The following MIA2 variants were observed in gnomAD, a reference collection of about 807,000 sequenced individuals.
MIA2 encodes MIA SH3 domain ER export factor 2.
MIA2 carries 127 observed loss-of-function variants against 167.8 expected under a neutral mutation model. The ratio of observed to expected loss-of-function variants is 0.76; its 90% CI spans 0.66 to 0.88. The LOEUF is 0.88. MIA2 is among the 40% of genes least tolerant of loss of function. The pLI is 0.00. For synonymous variants in MIA2, 552 were observed against 541.9 expected, an observed-to-expected ratio of 1.02 and a Z score of -0.26; for missense variants, 1,690 against 1,624.7, an observed-to-expected ratio of 1.04 and a Z score of -0.69.
At chr14:39,236,744 A>G (rs2053764324) in intron 1 of MIA2, among the ~76,000 whole-genome samples, 178 bp from the exon 2 acceptor site, 1 of 152,220 alleles carries the variant, frequency 6.6e-6, no homozygotes, top group Non-Finnish European at 1.5e-5. Flanking sequence ...CCAGGCCCAG[A>G]GGCTTAGACT....
chr14:39,319,321 A>G (rs1440649042), intron 23 of MIA2, 30 bp downstream of exon 23: 3 of 1,235,790 alleles, frequency 2.4e-6, no homozygotes, highest in Non-Finnish European at 2.2e-6. Context: ...CCCTCATTTA[A>G]AATACATATT....
At chr14:39,368,684 T>G (rs2074873569) in intron 23 of MIA2, among the ~76,000 whole-genome samples, 1 of 150,876 alleles carries the variant, frequency 6.6e-6, no homozygotes, top group South Asian at 2.1e-4. Context: ...TCTTTTCTTT[T>G]TTTTGTTTTT....
chr14:39,312,319 C>T (rs554695881), intron 18 of MIA2, among the ~76,000 whole-genome samples: 6 of 152,234 alleles, frequency 3.9e-5, no homozygotes, highest in Admixed American at 6.5e-5. Context: ...TATCCATGCC[C>T]GTCGCACTTT....
intron 2 of MIA2, 171 bp downstream of exon 2, chr14:39,237,226 C>G (rs779052366): frequency 9.5e-6 from 7 of 733,704 alleles, no homozygotes; most frequent in Non-Finnish European, 1.4e-5. Context: ...CTCCTGAGCT[C>G]AAGCCATCCT....
chr14:39,303,563 G>GA, intron 16 of MIA2, 39 bp downstream of exon 16: 1 of 1,465,002 alleles, frequency 6.8e-7, no homozygotes, highest in East Asian at 2.3e-5. Flanking sequence ...TAAGGAGGAA[G>GA]AAAGAGAACG....
intron 7 of MIA2, 110 bp from the exon 8 acceptor site, chr14:39,279,227 C>T (rs2152750674): frequency 1.4e-6 from 1 of 718,312 alleles, no homozygotes; most frequent in South Asian, 1.9e-5. Flanking sequence ...TGTATTTATA[C>T]AAAGGCAATA....
At chr14:39,278,555 C>A (rs116214905) in intron 7 of MIA2, among the ~76,000 whole-genome samples, 4,780 of 152,196 alleles carry the variant, frequency 0.031, 269 homozygotes, top group African/African-American at 0.11. Flanking sequence ...TAAGGCTGAT[C>A]CTTTTACAAA....
At chr14:39,298,623 A>G (rs1386025129) in intron 13 of MIA2, among the ~76,000 whole-genome samples, 1 of 145,534 alleles carries the variant, frequency 6.9e-6, no homozygotes. Context: ...GTCAGCCAGA[A>G]CAGAGTTTTA....
intron 24 of MIA2, among the ~76,000 whole-genome samples, chr14:39,324,940 T>C (rs956938256): frequency 6.6e-6 from 1 of 152,136 alleles, no homozygotes; most frequent in African/African-American, 2.4e-5. Context: ...AAAAAATTGT[T>C]CACTGGGTGC....
At chr14:39,312,227 C>A (rs577999427) in intron 18 of MIA2, among the ~76,000 whole-genome samples, 3 of 152,178 alleles carry the variant, frequency 2.0e-5, no homozygotes, top group Admixed American at 1.3e-4. Context: ...GTACATAAAC[C>A]TCACCTTTTA....
Position 39,291,055 on chromosome 14 carries a change from G to T in MIA2, c.2167G>T (p.Ala723Ser). The part of the protein sequence containing the change: ...GYEVESSLKD[A>S]SFEKEATEAQ... ...TGAAGTAGAGTCATCTTTAAAGGAT[G>T]CCAGCTTTGAGAAGGAGGCAACAGA... The change falls in exon 10 of 29, where the codon GCC becomes TCC. Residue 723 changes from alanine (A) to serine (S), a missense_variant. Physicochemically the swap from Ala to Ser is moderately conservative, Grantham distance 99. Transcript: ENST00000640607. The T allele has an allele frequency of 6.2e-7, 1 of 1,607,612 alleles. No individual in the cohort carries two copies. The highest frequency in any genetic ancestry group is 1.3e-5 in the African/African-American group (1 of 74,716).
chr14:39,266,141 T>G (rs2055590577), intron 6 of MIA2: 1 of 985,450 alleles, frequency 1.0e-6, no homozygotes, highest in Admixed American at 6.1e-5. Context: ...GTTCATCTAT[T>G]GAGTTCTTTT....
chr14:39,312,904 TGTGC>T (rs1427782862), intron 18 of MIA2, among the ~76,000 whole-genome samples: 5 of 152,032 alleles, frequency 3.3e-5, no homozygotes, highest in African/African-American at 9.7e-5. Flanking sequence ...TGTGTGTGTG[TGTGC>T]GTGTGTGTTT....
chr14:39,295,887 A>T (rs2152843052), intron 13 of MIA2, among the ~76,000 whole-genome samples: 1 of 152,268 alleles, frequency 6.6e-6, no homozygotes, highest in Non-Finnish European at 1.5e-5. Context: ...ATTCTGTCTT[A>T]TTCAATATTT....
chr14:39,261,285 C>G (rs2055096061), intron 6 of MIA2, among the ~76,000 whole-genome samples: 1 of 152,048 alleles, frequency 6.6e-6, no homozygotes, highest in Middle Eastern at 3.2e-3. Context: ...TGATGGTTTC[C>G]AGCTTCATCC....
At chr14:39,237,295 T>G (rs1167366497) in intron 2 of MIA2, 1 of 481,292 alleles carries the variant, frequency 2.1e-6, no homozygotes, top group East Asian at 4.2e-5. Flanking sequence ...GCCCGGCTAA[T>G]TTTTGTATTC....
chr14:39,343,619 A>G (rs1259988517), intron 25 of MIA2, among the ~76,000 whole-genome samples: 1 of 151,944 alleles, frequency 6.6e-6, no homozygotes, highest in East Asian at 1.9e-4. Flanking sequence ...TTTTTCTTCC[A>G]TTCTTTCTTT....
chr14:39,385,986 AG>A (rs2075267622), intron 23 of MIA2: 1 of 851,976 alleles, frequency 1.2e-6, no homozygotes, highest in East Asian at 2.4e-5. Flanking sequence ...CATTTGAGCA[AG>A]AACGCCTCCA....
At chr14:39,249,028 C>T (rs775235114) in intron 4 of MIA2, among the ~76,000 whole-genome samples, 5 of 152,112 alleles carry the variant, frequency 3.3e-5, no homozygotes, top group Admixed American at 6.5e-5. Flanking sequence ...TGTGAGCCAT[C>T]GTGCCTGGCC....
Sources: allele counts gnomAD v4.1 joint callset (sites outside exome capture counted in the v4.1 genomes callset), GRCh38; gene constraint gnomAD v4.1.1; transcripts MANE v1.5; gene names NCBI Gene and HGNC (gene_info 2026-07-23, HGNC 2026-07-21).